RABEPK: variants seen among roughly 807,000 people sequenced by gnomAD.
RABEPK encodes the protein Rab9 effector protein with kelch motifs.
RABEPK carries 27 observed loss-of-function variants against 34.1 expected under a neutral mutation model. That is an observed-to-expected ratio of 0.79 (90% CI 0.58 to 1.09). The LOEUF is 1.09. Among genes scored for constraint, RABEPK ranks in the 50% least tolerant of loss-of-function variants. RABEPK has a pLI of 0.00. For missense variants in RABEPK, 449 were observed against 462.6 expected (o/e 0.97, Z 0.27); for synonymous variants, 172 against 169.2 (o/e 1.02, Z -0.13).
chr9:125,231,881 G>A (rs1172426404), intron 6 of RABEPK, among the ~76,000 whole-genome samples: 2 of 147,990 alleles, frequency 1.4e-5, no homozygotes, highest in Admixed American at 1.4e-4. Context: ...TTACAAAATC[G>A]CTAAGGAACT....
intron 5 of RABEPK, 75 bp downstream of exon 5, chr9:125,220,775 G>A: frequency 6.8e-7 from 1 of 1,467,078 alleles, no homozygotes; most frequent in Non-Finnish European, 9.1e-7. Flanking sequence ...GGAAGCAGAA[G>A]TTAGAAAAGG....
intron 1 of RABEPK, among the ~76,000 whole-genome samples, chr9:125,202,520 T>C (rs1829975636): frequency 6.7e-6 from 1 of 148,296 alleles, no homozygotes; most frequent in African/African-American, 2.5e-5. Flanking sequence ...AGACTCTATC[T>C]AAAAATAATA....
chr9:125,216,138 C>T (rs1441908722), intron 4 of RABEPK, among the ~76,000 whole-genome samples: 1 of 152,016 alleles, frequency 6.6e-6, no homozygotes, highest in African/African-American at 2.4e-5. Context: ...ACTAAAAATA[C>T]AAAAATTAGC....
intron 5 of RABEPK, among the ~76,000 whole-genome samples, chr9:125,225,654 C>G (rs1042645339): frequency 1.3e-5 from 2 of 151,786 alleles, no homozygotes; most frequent in African/African-American, 4.8e-5. Flanking sequence ...GAAACCCCGT[C>G]TCTACTAAAA....
At chr9:125,211,330 A>G (rs956388759) in intron 3 of RABEPK, among the ~76,000 whole-genome samples, 2 of 151,434 alleles carry the variant, frequency 1.3e-5, no homozygotes. Flanking sequence ...TTGTATTTTT[A>G]GTAGAGATGG....
intron 4 of RABEPK, among the ~76,000 whole-genome samples, chr9:125,214,879 C>G (rs1355081112): frequency 6.6e-6 from 1 of 150,692 alleles, no homozygotes; most frequent in African/African-American, 2.4e-5. Flanking sequence ...CAACCTCTGC[C>G]TCCCGGGTTC....
intron 3 of RABEPK, among the ~76,000 whole-genome samples, chr9:125,208,997 T>A (rs1349353806): frequency 6.6e-6 from 1 of 151,826 alleles, no homozygotes; most frequent in Non-Finnish European, 1.5e-5. Flanking sequence ...AGCCAGCGAA[T>A]ATCATCTAAA....
Position 125,227,906 on chromosome 9 carries a change from C to G in RABEPK, c.527-4C>G, listed in dbSNP as rs777043851. On this transcript the variant is annotated splice_region_variant and splice_polypyrimidine_tract_variant and intron_variant, in intron 5 of 7. Coordinates refer to ENST00000373538, the MANE Select transcript of RABEPK (RefSeq NM_005833.4). ...ATTTGATGTTATTGAATTTACTTTT[C>G]TAGACACTCTGACCTGGTCACAGCC... 1.9e-6 allele frequency: 3 copies of G among 1,556,764 alleles called. No homozygotes were observed. Among genetic ancestry groups the G allele is most frequent in the Admixed American group, 2.0e-5 (1 of 49,934 alleles).
chr9:125,214,326 G>A (rs1210193470), intron 4 of RABEPK, among the ~76,000 whole-genome samples: 3 of 152,008 alleles, frequency 2.0e-5, no homozygotes, highest in Non-Finnish European at 4.4e-5. Context: ...CTTCTAGGGG[G>A]TAGAGGCCAG....
intron 3 of RABEPK, among the ~76,000 whole-genome samples, chr9:125,211,268 TAC>T (rs1830579948): frequency 6.6e-6 from 1 of 151,380 alleles, no homozygotes; most frequent in Admixed American, 6.6e-5. Flanking sequence ...TCCTGCCTCA[TAC>T]TCCCAAGTAG....
At chr9:125,233,400 G>T (rs1012106691) in intron 7 of RABEPK, among the ~76,000 whole-genome samples, 9 of 141,500 alleles carry the variant, frequency 6.4e-5, no homozygotes, top group Non-Finnish European at 1.3e-4. Context: ...GTGCGGTGAC[G>T]TGATCTTGGC....
At position 125,207,720 on chromosome 9, in the gene RABEPK, G is replaced by A. The variant is rs1588335408; in HGVS notation, c.210G>A (p.Leu70=). ...RSFSDVHTMD[L]GKHQWDLDTC... is the part of the protein sequence containing the mutation. ...TCTCAGACGTGCACACCATGGATCT[G>A]GGTAAGATCAGCAGCTGCAGAGTAC... is the stretch of plus-strand genomic sequence containing the variant. Residue 70 remains leucine, a splice_region_variant and synonymous_variant, in exon 3 of 8, where the codon CTG becomes CTA. Transcript: ENST00000373538. 3 of 1,614,068 alleles carry A rather than the reference G, an allele frequency of 1.9e-6. No homozygotes were observed. Among genetic ancestry groups the A allele is most frequent in the Non-Finnish European group, 2.5e-6 (3 of 1,179,952 alleles).
At position 125,200,821 on chromosome 9, in the gene RABEPK, G is replaced by T; in HGVS notation, c.-92G>T. 1 of 471,248 alleles carries T rather than the reference G, an allele frequency of 2.1e-6. No individual in the cohort carries two copies. The highest frequency in any genetic ancestry group is 4.4e-6 in the Non-Finnish European group (1 of 227,078). 29.2% of individuals were successfully genotyped at this position (471,248 alleles called of 1,614,324 possible). On this transcript the variant is annotated 5_prime_UTR_variant, in exon 1 of 8. Coordinates refer to ENST00000373538, the MANE Select transcript of RABEPK (RefSeq NM_005833.4). ...TGAGATTTGCTGGGCTGGTAGCGGC[G>T]GCTGCTGCGGGAGGTCCCGCCCACG...
intron 3 of RABEPK, among the ~76,000 whole-genome samples, chr9:125,208,599 G>A (rs1018482605): frequency 3.3e-5 from 5 of 150,468 alleles, no homozygotes; most frequent in Non-Finnish European, 5.9e-5. Context: ...GCAGTGGCAC[G>A]ACCTCAGCTG....
chr9:125,226,328 CAAA>C (rs539490598), intron 5 of RABEPK, among the ~76,000 whole-genome samples: 1 of 91,732 alleles, frequency 1.1e-5, no homozygotes, highest in Non-Finnish European at 2.4e-5. Context: ...CGACCCCCTG[CAAA>C]AAAAAAAAAA....
intron 4 of RABEPK, among the ~76,000 whole-genome samples, chr9:125,217,061 A>G (rs1222123296): frequency 6.6e-6 from 1 of 152,070 alleles, no homozygotes; most frequent in Admixed American, 6.6e-5. Flanking sequence ...CTAGCAGTAT[A>G]ATATGGTGCT....
intron 6 of RABEPK, among the ~76,000 whole-genome samples, chr9:125,231,285 C>G (rs1273451503): frequency 6.6e-6 from 1 of 151,238 alleles, no homozygotes; most frequent in Non-Finnish European, 1.5e-5. Flanking sequence ...CAGAGTGAGA[C>G]TCTGTCTCAA....
intron 6 of RABEPK, among the ~76,000 whole-genome samples, chr9:125,231,756 G>C (rs1047114549): frequency 6.6e-6 from 1 of 151,826 alleles, no homozygotes; most frequent in Non-Finnish European, 1.5e-5. Context: ...TGCACTCCAG[G>C]CTGGGCAACA....
At chr9:125,229,272 A>G (rs1028718272) in intron 6 of RABEPK, among the ~76,000 whole-genome samples, 14 of 150,854 alleles carry the variant, frequency 9.3e-5, no homozygotes, top group African/African-American at 3.4e-4. Flanking sequence ...AAAGAAAAAA[A>G]GAAAAAAAAA....
Sources: allele counts gnomAD v4.1 joint callset (sites outside exome capture counted in the v4.1 genomes callset), GRCh38; gene constraint gnomAD v4.1.1; transcripts MANE v1.5; gene names NCBI Gene and HGNC (gene_info 2026-07-23, HGNC 2026-07-21).